Variants in TBC1D15 observed in about 807,000 individuals in gnomAD.
The protein encoded by TBC1D15 is TBC1 domain family member 15.
TBC1D15 carries 39 observed loss-of-function variants against 95.4 expected under a neutral mutation model. That is an observed-to-expected ratio of 0.41 (90% CI 0.32 to 0.53). The LOEUF (loss-of-function observed/expected upper bound fraction) is 0.53. Among genes scored for constraint, TBC1D15 ranks in the 20% least tolerant of loss-of-function variants. TBC1D15 has a pLI of 0.29. For missense variants in TBC1D15, 733 were observed against 794.3 expected (o/e 0.92, Z 0.93); for synonymous variants, 258 against 261.3 (o/e 0.99, Z 0.12).
intron 1 of TBC1D15, among the ~76,000 whole-genome samples, chr12:71,870,580 A>C (rs750934963): frequency 1.3e-5 from 2 of 152,210 alleles, no homozygotes; most frequent in African/African-American, 2.4e-5. Flanking sequence ...GAGAGGCAGT[A>C]AAAGTAATGT....
At chr12:71,842,842 A>C (rs921167710) in intron 1 of TBC1D15, among the ~76,000 whole-genome samples, 1 of 126,670 alleles carries the variant, frequency 7.9e-6, no homozygotes, top group African/African-American at 3.1e-5. Context: ...AAAAAAAAAA[A>C]AAAAAAAGAA....
rs139451844 is a variant in TBC1D15 at position 71,864,217 on chromosome 12, G to A, written c.31-7853G>A. Reference sequence around the variant, plus strand: ...CCTGAGTAGCTGGGACTACAGGCACGTGCCACCATGCCTAGCTAATTTTTG... The same window carrying A: ...CCTGAGTAGCTGGGACTACAGGCACATGCCACCATGCCTAGCTAATTTTTG... On this transcript the variant is annotated intron_variant, in intron 1 of 16. Coordinates refer to ENST00000485960, the MANE Select transcript of TBC1D15 (RefSeq NM_001146213.3). Among the ~76,000 whole-genome samples, 27 of 151,752 alleles carry A rather than the reference G, an allele frequency of 1.8e-4. 1 individual carries two copies. Among genetic ancestry groups the A allele is most frequent in the African/African-American group, 5.6e-4 (23 of 41,408 alleles).
intron 3 of TBC1D15, among the ~76,000 whole-genome samples, chr12:71,876,693 T>G (rs1893899096): frequency 6.7e-6 from 1 of 150,332 alleles, no homozygotes; most frequent in South Asian, 2.1e-4. Flanking sequence ...TTCTTTTTTT[T>G]GTTTTGTTTT....
At chr12:71,921,773 A>C (rs1389149434) in intron 16 of TBC1D15, among the ~76,000 whole-genome samples, 1 of 152,214 alleles carries the variant, frequency 6.6e-6, no homozygotes, top group Non-Finnish European at 1.5e-5. Flanking sequence ...TGTCATATTA[A>C]ATATGCAGAA....
intron 10 of TBC1D15, among the ~76,000 whole-genome samples, chr12:71,900,106 G>GT (rs751297138): frequency 1.4e-4 from 22 of 152,244 alleles, no homozygotes; most frequent in Non-Finnish European, 2.9e-4. Context: ...AAAACGGGCA[G>GT]TTAGTGATAC....
At chr12:71,922,228 G>A (rs1436659542) in intron 16 of TBC1D15, among the ~76,000 whole-genome samples, 2 of 152,132 alleles carry the variant, frequency 1.3e-5, no homozygotes, top group South Asian at 4.1e-4. Flanking sequence ...AGGATTACAG[G>A]TGCCTGCTAC....
chr12:71,907,340 T>C, intron 11 of TBC1D15: 3 of 356,104 alleles, frequency 8.4e-6, no homozygotes, highest in Non-Finnish European at 1.5e-5. Context: ...AGGAGCACCA[T>C]GGGATATTTA....
At chr12:71,864,275 G>T (rs944543523) in intron 1 of TBC1D15, among the ~76,000 whole-genome samples, 5 of 151,952 alleles carry the variant, frequency 3.3e-5, no homozygotes, top group African/African-American at 1.2e-4. Flanking sequence ...TCACCATGTT[G>T]GCCAGGATGG....
rs867744022 is a variant in TBC1D15, at chr12:71,875,430, C to A, written c.204+2427C>A. Among the ~76,000 whole-genome samples, 3 of 151,790 alleles carry A rather than the reference C, an allele frequency of 2.0e-5. No homozygotes were observed. The South Asian group carries it at 6.2e-4, about 32-fold the overall frequency. ...TTTCTTTTGTTGCCTGTGCTTTTGG[C>A]GTGTCATATCCAGGAAACCAGTACC... is the stretch of plus-strand genomic sequence containing the variant. On this transcript the variant is annotated intron_variant, in intron 3 of 16. Coordinates refer to ENST00000485960, the MANE Select transcript of TBC1D15 (RefSeq NM_001146213.3).
intron 9 of TBC1D15, 69 bp downstream of exon 9, chr12:71,896,849 G>GC: frequency 8.5e-7 from 1 of 1,170,068 alleles, no homozygotes; most frequent in Admixed American, 2.5e-5. Flanking sequence ...TTAGTATAGG[G>GC]TTTCTAGATG....
At chr12:71,894,240 T>C in intron 6 of TBC1D15, 1 of 1,065,922 alleles carries the variant, frequency 9.4e-7, no homozygotes, top group Admixed American at 2.0e-5. Flanking sequence ...TATTTAAATA[T>C]GAGTTTTTAA....
chr12:71,908,108 T>A (rs981406190), intron 11 of TBC1D15: 1 of 152,036 alleles, frequency 6.6e-6, no homozygotes, highest in Non-Finnish European at 1.5e-5. Flanking sequence ...GAGGTGGAGG[T>A]TGCAGTGAAA....
chr12:71,903,396 G>A (rs1024372546), intron 10 of TBC1D15, among the ~76,000 whole-genome samples: 1 of 152,118 alleles, frequency 6.6e-6, no homozygotes, highest in African/African-American at 2.4e-5. Context: ...TAGAGAAAAG[G>A]GAATGCTTAT....
chr12:71,920,394 T>C (rs1868843833), intron 14 of TBC1D15, among the ~76,000 whole-genome samples: 1 of 152,158 alleles, frequency 6.6e-6, no homozygotes, highest in Non-Finnish European at 1.5e-5. Context: ...AGAAAAATAT[T>C]GAAAATACAT....
chr12:71,872,547 A>G (rs1892914415), intron 2 of TBC1D15, among the ~76,000 whole-genome samples: 1 of 152,192 alleles, frequency 6.6e-6, no homozygotes, highest in African/African-American at 2.4e-5. Context: ...AATGAATTGA[A>G]TACTGTGCTG....
At chr12:71,856,855 A>C (rs1889199337) in intron 1 of TBC1D15, among the ~76,000 whole-genome samples, 1 of 152,162 alleles carries the variant, frequency 6.6e-6, no homozygotes, top group Non-Finnish European at 1.5e-5. Context: ...GGGCAAATAA[A>C]ACTTGTAGAG....
At chr12:71,883,016 A>G (rs1368665534) in intron 4 of TBC1D15, among the ~76,000 whole-genome samples, 1 of 152,148 alleles carries the variant, frequency 6.6e-6, no homozygotes, top group Non-Finnish European at 1.5e-5. Flanking sequence ...TACATATAGT[A>G]TTTAATATAC....
At chr12:71,840,586 C>T (rs1884718232) in intron 1 of TBC1D15, among the ~76,000 whole-genome samples, 1 of 152,162 alleles carries the variant, frequency 6.6e-6, no homozygotes, top group Non-Finnish European at 1.5e-5. Context: ...ATAGTTAGGG[C>T]TATCAGCTTT....
intron 12 of TBC1D15, among the ~76,000 whole-genome samples, chr12:71,917,007 T>C (rs918159304): frequency 2.6e-5 from 4 of 152,212 alleles, no homozygotes; most frequent in Admixed American, 1.3e-4. Context: ...TACCTTAACA[T>C]AGATCACTTT....
Sources: gnomAD v4.1 joint callset for allele counts (sites outside exome capture counted in the v4.1 genomes callset) on GRCh38, gnomAD v4.1.1 for gene constraint, MANE v1.5 for transcripts, NCBI Gene and HGNC (gene_info 2026-07-23, HGNC 2026-07-21) for gene names.